The following ZFHX3 variants were observed in gnomAD, a reference collection of about 807,000 sequenced individuals.
ZFHX3 encodes the protein zinc finger homeobox 3.
ZFHX3 carries 42 observed loss-of-function variants against 279.1 expected under a neutral mutation model. That is an observed-to-expected ratio of 0.15 (90% CI 0.12 to 0.19). The LOEUF is 0.19. Among genes scored for constraint, ZFHX3 ranks in the 10% least tolerant of loss-of-function variants. The probability of loss-of-function intolerance (pLI) is 1.00; values close to 1 mark genes in which losing one functional copy is unlikely to be tolerated. For synonymous variants in ZFHX3, 2,293 were observed against 1,957.8 expected (o/e 1.17, Z -4.52); for missense variants, 4,981 against 4,754.0 (o/e 1.05, Z -1.40).
intron 4 of ZFHX3, among the ~76,000 whole-genome samples, chr16:72,834,045 G>A (rs1348924667): frequency 2.6e-5 from 4 of 152,138 alleles, no homozygotes; most frequent in Non-Finnish European, 2.9e-5. Flanking sequence ...TCAGGAGTTT[G>A]AGACCAACCT....
intron 2 of ZFHX3, among the ~76,000 whole-genome samples, chr16:72,954,007 C>T (rs1378842915): frequency 6.6e-6 from 1 of 152,232 alleles, no homozygotes; most frequent in South Asian, 2.1e-4. Context: ...TCCTACAAAT[C>T]CGCTAATCCA....
intron 5 of ZFHX3, among the ~76,000 whole-genome samples, chr16:72,818,947 T>G (rs2036698758): frequency 6.6e-6 from 1 of 152,230 alleles, no homozygotes; most frequent in Non-Finnish European, 1.5e-5. Context: ...CACATAGGTA[T>G]AAGAGTTACT....
chr16:73,026,437 C>G (rs1231376367), intron 1 of ZFHX3, among the ~76,000 whole-genome samples: 2 of 151,534 alleles, frequency 1.3e-5, no homozygotes, highest in Non-Finnish European at 2.9e-5. Context: ...TTTGGGAGGC[C>G]AAGGCGGGTG....
intron 2 of ZFHX3, among the ~76,000 whole-genome samples, chr16:73,567,591 C>A (rs2020469213): frequency 6.6e-6 from 1 of 152,182 alleles, no homozygotes; most frequent in African/African-American, 2.4e-5. Context: ...CTTCTCTTTC[C>A]TTAGATCCCA....
chr16:73,502,711 G>A (rs141629028), intron 2 of ZFHX3, among the ~76,000 whole-genome samples: 10 of 152,286 alleles, frequency 6.6e-5, no homozygotes, highest in South Asian at 2.1e-4. Context: ...GATATCAGCC[G>A]CTGAAAGAGT....
chr16:73,425,659 C>G (rs777363698), intron 3 of ZFHX3, among the ~76,000 whole-genome samples: 2 of 152,056 alleles, frequency 1.3e-5, no homozygotes, highest in African/African-American at 2.4e-5. Context: ...GCTGATGGAC[C>G]CCTCTCGTGT....
chr16:72,990,258 C>T (rs1197566556), intron 1 of ZFHX3, among the ~76,000 whole-genome samples: 3 of 152,166 alleles, frequency 2.0e-5, no homozygotes, highest in South Asian at 4.1e-4. Flanking sequence ...AGGTTTAAGA[C>T]GACACGGCGT....
intron 7 of ZFHX3, chr16:72,807,601 C>G (rs367917371): frequency 1.3e-5 from 2 of 152,282 alleles, no homozygotes; most frequent in South Asian, 2.1e-4. Flanking sequence ...TACAACTGAA[C>G]AGAAAGACGT....
chr16:73,466,581 T>A (rs1186541330), intron 2 of ZFHX3, among the ~76,000 whole-genome samples: 1 of 152,206 alleles, frequency 6.6e-6, no homozygotes, highest in East Asian at 1.9e-4. Flanking sequence ...TGCCTCAGTT[T>A]TCTTATCCGG....
Position 72,959,659 on chromosome 16 carries a change from T to C in ZFHX3, c.487A>G (p.Ser163Gly). The change falls in exon 2 of 10, where the codon AGT becomes GGT. Residue 163 changes from serine to glycine, a missense_variant. Physicochemically the swap from Ser to Gly is moderately conservative, Grantham distance 56. Transcript: ENST00000268489. ...GGGACGSGSG[S>G]GPLPSLFLNS... is the part of the protein sequence containing the mutation. ...AGGAAAAGCGAGGGGAGAGGCCCAC[T>C]GCCACTGCCACTCCCACAGGCGCCC... The C allele has an allele frequency of 6.2e-7, 1 of 1,613,358 alleles. No homozygotes were observed. Among genetic ancestry groups the C allele is most frequent in the Non-Finnish European group, 8.5e-7 (1 of 1,179,528 alleles).
chr16:72,823,821 G>A (rs768407813), intron 5 of ZFHX3, among the ~76,000 whole-genome samples: 44 of 152,108 alleles, frequency 2.9e-4, no homozygotes, highest in Non-Finnish European at 5.3e-4. Context: ...CTCAGGTCAC[G>A]CAGGTGAACT....
upstream of ZFHX3, among the ~76,000 whole-genome samples, chr16:73,052,933 G>A (rs549298081): frequency 6.6e-6 from 1 of 152,158 alleles, no homozygotes; most frequent in African/African-American, 2.4e-5. Context: ...GGCCACGGAA[G>A]GGGGGAGAGG....
intron 3 of ZFHX3, among the ~76,000 whole-genome samples, chr16:73,440,559 A>C (rs1194482167): frequency 6.6e-6 from 1 of 152,218 alleles, no homozygotes; most frequent in Non-Finnish European, 1.5e-5. Flanking sequence ...TTTCTGACAG[A>C]TTGAGAGTTG....
intron 1 of ZFHX3, among the ~76,000 whole-genome samples, chr16:73,773,108 G>A (rs1205827730): frequency 1.3e-5 from 2 of 152,182 alleles, no homozygotes; most frequent in South Asian, 2.1e-4. Context: ...TAAATAAATG[G>A]AAATAAGACA....
chr16:72,873,508 T>TC (rs2038218867), intron 4 of ZFHX3, among the ~76,000 whole-genome samples: 1 of 152,248 alleles, frequency 6.6e-6, no homozygotes, highest in Non-Finnish European at 1.5e-5. Flanking sequence ...CAGCTACTCG[T>TC]CATCATTCCA....
chr16:73,055,678 A>ACGCGCGCGCGCG (rs141836776), intron 1 of ZFHX3, among the ~76,000 whole-genome samples: 1 of 117,272 alleles, frequency 8.5e-6, no homozygotes, highest in African/African-American at 3.0e-5. Context: ...GTGCAGACGT[A>ACGCGCGCGCGCG]CGCGCGCGCG....
intron 2 of ZFHX3, among the ~76,000 whole-genome samples, chr16:73,541,782 T>G: frequency 7.4e-6 from 1 of 134,574 alleles, no homozygotes. Flanking sequence ...TGTTTGGTGG[T>G]TCTCTTTTTT....
chr16:72,937,430 G>A (rs767464273), intron 3 of ZFHX3, among the ~76,000 whole-genome samples: 11 of 152,346 alleles, frequency 7.2e-5, no homozygotes, highest in Non-Finnish European at 1.5e-4. Flanking sequence ...AGCCGACAGA[G>A]TCAGCAACAC....
At chr16:73,428,183 C>T (rs1399840678) in intron 3 of ZFHX3, among the ~76,000 whole-genome samples, 3 of 152,236 alleles carry the variant, frequency 2.0e-5, no homozygotes, top group East Asian at 1.9e-4. Flanking sequence ...TCCAGGCCTG[C>T]GGGAGCCAGG....
Sources: allele counts gnomAD v4.1 joint callset (sites outside exome capture counted in the v4.1 genomes callset), GRCh38; gene constraint gnomAD v4.1.1; transcripts MANE v1.5; gene names NCBI Gene and HGNC (gene_info 2026-07-23, HGNC 2026-07-21).